Variants in BDNF observed in about 807,000 individuals in gnomAD.
BDNF encodes brain derived neurotrophic factor.
A neutral mutation model predicts 19.5 loss-of-function variants in BDNF; 1 was observed. The observed-to-expected ratio is 0.05, with a 90% CI of 0.02 to 0.24. The LOEUF (loss-of-function observed/expected upper bound fraction) is 0.24. Ranked by LOEUF, BDNF falls within the 10% of genes least tolerant of loss-of-function variation. The pLI is 1.00. For synonymous variants in BDNF, 100 were observed against 121.6 expected, an observed-to-expected ratio of 0.82 and a Z score of 1.17; for missense variants, 195 against 317.6, an observed-to-expected ratio of 0.61 and a Z score of 2.93.
intron 1 of BDNF, chr11:27,699,326 G>C (rs1859604127): frequency 6.2e-7 from 1 of 1,606,666 alleles, no homozygotes; most frequent in African/African-American, 1.3e-5. Flanking sequence ...CTTCTTGCCC[G>C]TCAGGCACAG....
At chr11:27,679,676 G>T (rs563570067) in intron 1 of BDNF, among the ~76,000 whole-genome samples, 1 of 152,142 alleles carries the variant, frequency 6.6e-6, no homozygotes, top group Non-Finnish European at 1.5e-5. Flanking sequence ...ACTTTGCATG[G>T]TTAATCATTT....
chr11:27,655,066 A>G lies in BDNF; in HGVS notation c.*2755T>C, dbSNP rs1431949738. 2 of 152,282 alleles carry G rather than the reference A, an allele frequency of 1.3e-5. No homozygotes were observed. Among genetic ancestry groups the G allele is most frequent in the African/African-American group, 4.8e-5 (2 of 41,450 alleles). 9.4% of individuals were successfully genotyped at this position (152,282 alleles called of 1,614,324 possible). ...CATAATTATATAAATATACTAAAAT[A>G]CAATAAATATTGTTTTTTGTTTTAC... On this transcript the variant is annotated 3_prime_UTR_variant, in exon 2 of 2. Coordinates refer to ENST00000356660, the MANE Select transcript of BDNF (RefSeq NM_001709.5).
chr11:27,715,528 A>G (rs899664347), intron 1 of BDNF, among the ~76,000 whole-genome samples: 1 of 152,228 alleles, frequency 6.6e-6, no homozygotes, highest in African/African-American at 2.4e-5. Context: ...AGAGGGAAAT[A>G]CTGTCTTAGG....
Position 27,683,348 on chromosome 11 carries a change from C to A in BDNF, c.-22+16816G>T, listed in dbSNP as rs1359030173. Reference sequence around the variant, plus strand: ...TACGTTGCAAAAAATTTCACCCATTCTGTCGGTTGCCTGTTCACTCTGATG... The same window carrying A: ...TACGTTGCAAAAAATTTCACCCATTATGTCGGTTGCCTGTTCACTCTGATG... On this transcript the variant is annotated intron_variant, in intron 1 of 1. Coordinates refer to ENST00000356660, the MANE Select transcript of BDNF (RefSeq NM_001709.5). 5.3e-5 allele frequency among the ~76,000 whole-genome samples: 8 copies of A among 152,192 alleles called. No individual in the cohort carries two copies. In the South Asian group the frequency reaches 1.5e-3, roughly 28 times the overall value.
At position 27,713,756 on chromosome 11, in the gene BDNF, T is replaced by G. The variant is rs541864215; in HGVS notation, c.3+7656A>C. On this transcript the variant is annotated intron_variant, in intron 1 of 1. Transcript: ENST00000314915. ...GAAGATTTTGGAGTGGATTTAACAT[T>G]CACTCAAAGGTTAAAAACTTTGACA... Among the ~76,000 whole-genome samples the G allele has an allele frequency of 2.0e-5, 3 of 152,308 alleles. No individual in the cohort carries two copies. In the East Asian group the frequency reaches 5.8e-4, roughly 29 times the overall value.
chr11:27,708,728 T>A (rs943688075), intron 1 of BDNF, among the ~76,000 whole-genome samples: 1 of 151,808 alleles, frequency 6.6e-6, no homozygotes, highest in African/African-American at 2.4e-5. Context: ...AGTTGGAATA[T>A]AAGGTGGTTT....
intron 1 of BDNF, chr11:27,675,615 C>A (rs1428284024): frequency 2.0e-5 from 3 of 152,270 alleles, no homozygotes; most frequent in East Asian, 3.9e-4. Context: ...TGGTCTGACA[C>A]CCTATGCTAC....
At chr11:27,705,651 C>T (rs1047478374) in intron 1 of BDNF, among the ~76,000 whole-genome samples, 1 of 152,180 alleles carries the variant, frequency 6.6e-6, no homozygotes, top group African/African-American at 2.4e-5. Context: ...CTCTTTCTAC[C>T]TCCAGATAGC....
At chr11:27,669,948 C>T (rs1176032655) in intron 1 of BDNF, among the ~76,000 whole-genome samples, 2 of 152,138 alleles carry the variant, frequency 1.3e-5, no homozygotes, top group African/African-American at 4.8e-5. Context: ...CCCGCATCGC[C>T]AAGACAATCC....
chr11:27,714,000 A>G (rs1394052642), intron 1 of BDNF, among the ~76,000 whole-genome samples: 1 of 152,270 alleles, frequency 6.6e-6, no homozygotes, highest in African/African-American at 2.4e-5. Context: ...ATAGAATTCA[A>G]GAATGATGTC....
intron 1 of BDNF, chr11:27,674,476 G>C (rs938916910): frequency 3.9e-5 from 55 of 1,407,120 alleles, no homozygotes; most frequent in Non-Finnish European, 4.6e-5. Flanking sequence ...TCAACAGCAC[G>C]AGTAAGGCAG....
In BDNF at chr11:27,660,280, C is replaced by T. The variant is rs1335920802; in HGVS notation, c.-21-1695G>A. ...GAGACTTTATTACCATCCCTAAACA[C>T]ACAAAAAAATTTCTTTTAGATTTAC... is the stretch of plus-strand genomic sequence containing the variant. On this transcript the variant is annotated intron_variant, in intron 1 of 1. Transcript: ENST00000356660. 3 of 1,235,160 alleles carry T rather than the reference C, an allele frequency of 2.4e-6. No homozygotes were observed. In the East Asian group the frequency reaches 1.9e-4, roughly 77 times the overall value. The allele number at this position is 1,235,160 out of a possible 1,614,324, so 76.5% of individuals were successfully genotyped here. A position where few individuals can be genotyped will look rare whatever the true frequency, so the allele number is the denominator to read the frequency against.
upstream of BDNF, among the ~76,000 whole-genome samples, chr11:27,702,410 G>A (rs1042924310): frequency 2.0e-5 from 3 of 152,120 alleles, no homozygotes; most frequent in Admixed American, 1.3e-4. Context: ...TCTCTTGGGG[G>A]TACAACACTG....
intron 1 of BDNF, chr11:27,677,862 C>T (rs1355243003): frequency 6.6e-6 from 1 of 152,172 alleles, no homozygotes; most frequent in Admixed American, 6.5e-5. Flanking sequence ...CTCCACCAAT[C>T]ACCAAAAACA....
intron 1 of BDNF, among the ~76,000 whole-genome samples, chr11:27,662,397 T>C (rs759181430): frequency 3.9e-5 from 6 of 152,140 alleles, no homozygotes; most frequent in Non-Finnish European, 7.4e-5. Context: ...GAAAAGACAG[T>C]TTGGATATAA....
upstream of BDNF, among the ~76,000 whole-genome samples, chr11:27,702,686 T>A (rs1232919285): frequency 2.6e-5 from 4 of 152,202 alleles, no homozygotes. Flanking sequence ...TCAATTTACC[T>A]AAGGGTTTAC....
At chr11:27,661,175 C>T (rs908861469) in intron 1 of BDNF, among the ~76,000 whole-genome samples, 10 of 152,314 alleles carry the variant, frequency 6.6e-5, no homozygotes, top group African/African-American at 2.4e-4. Flanking sequence ...GTGACAAAGT[C>T]CAACCCCACA....
chr11:27,698,421 A>C (rs756769576), intron 1 of BDNF, among the ~76,000 whole-genome samples: 13 of 152,102 alleles, frequency 8.5e-5, no homozygotes, highest in Non-Finnish European at 1.3e-4. Context: ...AACATCAGAA[A>C]TCTCCAACCT....
intron 1 of BDNF, among the ~76,000 whole-genome samples, chr11:27,695,886 G>A (rs1858928645): frequency 6.6e-6 from 1 of 151,724 alleles, no homozygotes; most frequent in Admixed American, 6.6e-5. Context: ...GCTTCTACTT[G>A]AACTTAAATA....
Sources: allele counts gnomAD v4.1 joint callset (sites outside exome capture counted in the v4.1 genomes callset), GRCh38; gene constraint gnomAD v4.1.1; transcripts MANE v1.5; gene names NCBI Gene and HGNC (gene_info 2026-07-23, HGNC 2026-07-21).